TM9SF3: variants seen among roughly 807,000 people sequenced by gnomAD.
TM9SF3 encodes the protein transmembrane 9 superfamily member 3, also known as SM-11044-binding protein.
TM9SF3 carries 14 observed loss-of-function variants against 78.6 expected under a neutral mutation model. The ratio of observed to expected loss-of-function variants is 0.18; its 90% confidence interval spans 0.12 to 0.28. The LOEUF (loss-of-function observed/expected upper bound fraction) is 0.28. Ranked by LOEUF, TM9SF3 falls within the 10% of genes least tolerant of loss-of-function variation. The probability of loss-of-function intolerance (pLI) is 1.00; values close to 1 mark genes in which losing one functional copy is unlikely to be tolerated. For missense variants in TM9SF3, 496 were observed against 721.9 expected, an observed-to-expected ratio of 0.69 and a Z score of 3.59; for synonymous variants, 231 against 241.7, an observed-to-expected ratio of 0.96 and a Z score of 0.41.
chr10:96,564,219 G>A (rs1347990113), intron 3 of TM9SF3, among the ~76,000 whole-genome samples: 3 of 151,954 alleles, frequency 2.0e-5, no homozygotes, highest in East Asian at 3.9e-4. Context: ...TTAAGCCCAG[G>A]AGTCTGAGGC....
intron 14 of TM9SF3, among the ~76,000 whole-genome samples, chr10:96,523,840 A>T (rs141667318): frequency 5.3e-5 from 8 of 152,088 alleles, no homozygotes; most frequent in African/African-American, 1.4e-4. Flanking sequence ...CATTTCAGCC[A>T]AGCAATTCAT....
rs1407092099 is a variant in TM9SF3, at chr10:96,576,740, T to A, written c.192A>T (p.Pro64=). Residue 64 remains proline (P), a synonymous_variant, in exon 2 of 15, where the codon CCA becomes CCT. Coordinates refer to ENST00000371142, the MANE Select transcript of TM9SF3 (RefSeq NM_020123.4). ...TACTTTTTTTTGACCCCACACAGAA[T>A]GGAAGTGAAAAGTACTTATATGTTT... The part of the protein sequence containing the change: ...RQETYKYFSL[P]FCVGSKKSIS... The A allele has an allele frequency of 6.2e-7, 1 of 1,611,372 alleles. No individual in the cohort carries two copies. The highest frequency in any genetic ancestry group is 2.2e-5 in the East Asian group (1 of 44,624).
intron 11 of TM9SF3, among the ~76,000 whole-genome samples, chr10:96,528,890 A>C (rs1847866660): frequency 6.6e-6 from 1 of 152,170 alleles, no homozygotes; most frequent in Non-Finnish European, 1.5e-5. Flanking sequence ...ACCTCACCTC[A>C]ATTAAAATAA....
Position 96,527,478 on chromosome 10 carries a change from G to A in TM9SF3, c.1560C>T (p.Leu520=). 9 of 1,610,014 alleles carry A rather than the reference G, an allele frequency of 5.6e-6. No homozygotes were observed. Among genetic ancestry groups the A allele is most frequent in the Non-Finnish European group, 7.6e-6 (9 of 1,177,812 alleles). Residue 520 remains leucine (L), a synonymous_variant, in exon 13 of 15, where the codon CTC becomes CTT. Transcript: ENST00000371142. The part of the protein sequence containing the change: ...EDYRWQWTSF[L]SAASTAIYVY... ...CATAGATTGCAGTTGATGCAGCAGA[G>A]AGAAAACTTGTCCATTGCCTGGTGG... is the stretch of plus-strand genomic sequence containing the variant.
At chr10:96,573,694 A>G (rs1206241984) in intron 2 of TM9SF3, among the ~76,000 whole-genome samples, 1 of 152,070 alleles carries the variant, frequency 6.6e-6, no homozygotes, top group Admixed American at 6.5e-5. Flanking sequence ...GGGGTTTAAG[A>G]TTGCCAAATA....
At chr10:96,569,760 G>A (rs1011584531) in intron 2 of TM9SF3, among the ~76,000 whole-genome samples, 14 of 152,286 alleles carry the variant, frequency 9.2e-5, no homozygotes, top group East Asian at 3.9e-4. Context: ...AAGGCCGGGC[G>A]CAATGGCTCA....
Position 96,521,091 on chromosome 10 carries a change from T to C in TM9SF3, c.*1172A>G. ...AATTAAGTGTCTCTAAATTACAAAT[T>C]TGGCTCCTGTAGGAGTCTCAGAAAA... On this transcript the variant is annotated 3_prime_UTR_variant, in exon 15 of 15. Transcript: ENST00000371142. The C allele has an allele frequency of 5.2e-6, 2 of 386,898 alleles. No individual in the cohort carries two copies. Among genetic ancestry groups the C allele is most frequent in the Non-Finnish European group, 4.6e-6 (1 of 218,006 alleles). The allele number at this position is 386,898 out of a possible 1,614,324, so 24.0% of individuals were successfully genotyped here. A position where few individuals can be genotyped will look rare whatever the true frequency, so the allele number is the denominator to read the frequency against.
At chr10:96,580,771 G>A (rs182868053) in intron 1 of TM9SF3, among the ~76,000 whole-genome samples, 1 of 152,164 alleles carries the variant, frequency 6.6e-6, no homozygotes, top group Non-Finnish European at 1.5e-5. Flanking sequence ...TACATACTAT[G>A]AGCTAGGTAT....
intron 1 of TM9SF3, among the ~76,000 whole-genome samples, chr10:96,585,885 C>G (rs964736141): frequency 6.6e-6 from 1 of 152,214 alleles, no homozygotes; most frequent in Non-Finnish European, 1.5e-5. Flanking sequence ...AGTTACAGCC[C>G]TAAGTGAAAG....
intron 1 of TM9SF3, among the ~76,000 whole-genome samples, chr10:96,582,369 G>T (rs1848580257): frequency 6.6e-6 from 1 of 152,218 alleles, no homozygotes; most frequent in Admixed American, 6.5e-5. Context: ...TTAGGAAAAT[G>T]AAGAGTTTTG....
chr10:96,569,924 T>C (rs919881958), intron 2 of TM9SF3, among the ~76,000 whole-genome samples: 2 of 152,004 alleles, frequency 1.3e-5, no homozygotes, highest in Non-Finnish European at 2.9e-5. Context: ...CCCAGCTACC[T>C]GGGAGGCTGA....
chr10:96,583,410 G>T (rs1190211312), intron 1 of TM9SF3, among the ~76,000 whole-genome samples: 3 of 152,174 alleles, frequency 2.0e-5, no homozygotes, highest in African/African-American at 4.8e-5. Context: ...CTAACCCAAA[G>T]ATCTCAGAAA....
intron 1 of TM9SF3, among the ~76,000 whole-genome samples, chr10:96,579,292 G>A (rs767995413): frequency 2.4e-4 from 37 of 152,212 alleles, no homozygotes; most frequent in Non-Finnish European, 4.9e-4. Flanking sequence ...AATGTTGAAT[G>A]AGACGACCTA....
intron 5 of TM9SF3, 152 bp downstream of exon 5, chr10:96,559,507 C>G (rs1330433826): frequency 2.0e-6 from 1 of 504,664 alleles, no homozygotes; most frequent in Admixed American, 4.1e-5. Context: ...CCCCATCACC[C>G]TTATGATTTC....
At chr10:96,584,039 A>G (rs572618048) in intron 1 of TM9SF3, among the ~76,000 whole-genome samples, 2 of 152,226 alleles carry the variant, frequency 1.3e-5, no homozygotes, top group South Asian at 4.2e-4. Context: ...TGCCTCAAAA[A>G]AACAAAACAA....
intron 9 of TM9SF3, among the ~76,000 whole-genome samples, chr10:96,534,039 GA>G (rs1471925240): frequency 1.3e-5 from 2 of 152,042 alleles, no homozygotes; most frequent in African/African-American, 4.8e-5. Flanking sequence ...ATAATAAATA[GA>G]AAGTAAAAGT....
intron 9 of TM9SF3, among the ~76,000 whole-genome samples, chr10:96,542,837 G>A (rs1848050237): frequency 6.6e-6 from 1 of 150,724 alleles, no homozygotes. Flanking sequence ...CTAACTAAAA[G>A]GTATTAAATA....
chr10:96,547,764 G>A, intron 8 of TM9SF3, 131 bp downstream of exon 8: 1 of 705,898 alleles, frequency 1.4e-6, no homozygotes, highest in South Asian at 1.9e-5. Flanking sequence ...AGACTGCAGT[G>A]AGCAGAGATT....
At chr10:96,547,245 C>A (rs1848112348) in intron 8 of TM9SF3, among the ~76,000 whole-genome samples, 1 of 152,172 alleles carries the variant, frequency 6.6e-6, no homozygotes, top group African/African-American at 2.4e-5. Context: ...AAACTTTACC[C>A]ACAGACCATT....
Sources: gnomAD v4.1 joint callset for allele counts (sites outside exome capture counted in the v4.1 genomes callset) on GRCh38, gnomAD v4.1.1 for gene constraint, MANE v1.5 for transcripts, NCBI Gene and HGNC (gene_info 2026-07-23, HGNC 2026-07-21) for gene names.